KIAA1958: variants seen among roughly 807,000 people sequenced by gnomAD.
KIAA1958 encodes the protein uncharacterized protein KIAA1958.
A neutral mutation model predicts 47.2 loss-of-function variants in KIAA1958; 14 were observed. The ratio of observed to expected loss-of-function variants is 0.30; its 90% CI spans 0.20 to 0.46. The LOEUF is 0.46. Ranked by LOEUF, KIAA1958 falls within the 20% of genes least tolerant of loss-of-function variation. The pLI is 1.00. For missense variants in KIAA1958, 803 were observed against 909.2 expected, an observed-to-expected ratio of 0.88 and a Z score of 1.50; for synonymous variants, 354 against 353.3, an observed-to-expected ratio of 1.00 and a Z score of -0.02.
At chr9:112,504,434 C>T (rs536698908) in intron 1 of KIAA1958, among the ~76,000 whole-genome samples, 14 of 152,180 alleles carry the variant, frequency 9.2e-5, no homozygotes, top group Admixed American at 3.3e-4. Flanking sequence ...AGTGATCCAC[C>T]GGCCTCGGCC....
intron 1 of KIAA1958, among the ~76,000 whole-genome samples, chr9:112,565,105 G>A (rs555815919): frequency 8.2e-4 from 124 of 152,082 alleles, no homozygotes; most frequent in Non-Finnish European, 1.3e-3. Context: ...GAGTTTAATG[G>A]TAGAAAGGCT....
At chr9:112,550,517 A>C (rs1835122680) in intron 1 of KIAA1958, among the ~76,000 whole-genome samples, 1 of 152,216 alleles carries the variant, frequency 6.6e-6, no homozygotes, top group Non-Finnish European at 1.5e-5. Flanking sequence ...ATTCACTAAA[A>C]GGACTCACAG....
intron 2 of KIAA1958, among the ~76,000 whole-genome samples, chr9:112,606,473 G>T (rs540368473): frequency 5.9e-5 from 9 of 152,278 alleles, no homozygotes; most frequent in Admixed American, 3.9e-4. Context: ...ATTAATCACA[G>T]CTTCCTTAAT....
intron 1 of KIAA1958, 123 bp from the exon 2 acceptor site, chr9:112,573,934 A>C (rs1835584488): frequency 3.6e-6 from 2 of 557,616 alleles, no homozygotes; most frequent in Admixed American, 3.2e-5. Context: ...CCTTAACTAG[A>C]TTCAGTTTTG....
chr9:112,586,860 G>A (rs532329597), intron 2 of KIAA1958, among the ~76,000 whole-genome samples: 21 of 152,174 alleles, frequency 1.4e-4, no homozygotes, highest in Non-Finnish European at 2.6e-4. Context: ...AGGAAATAAT[G>A]TACAACCTCA....
intron 1 of KIAA1958, among the ~76,000 whole-genome samples, chr9:112,532,485 A>G (rs972454796): frequency 6.6e-6 from 1 of 152,140 alleles, no homozygotes; most frequent in African/African-American, 2.4e-5. Flanking sequence ...TTCTATCACT[A>G]GGAAATATCA....
At chr9:112,592,237 T>C (rs1343442763) in intron 2 of KIAA1958, among the ~76,000 whole-genome samples, 1 of 152,192 alleles carries the variant, frequency 6.6e-6, no homozygotes, top group African/African-American at 2.4e-5. Context: ...TACTGACATA[T>C]TAATTCTTTG....
rs1835621036 is a variant in KIAA1958 at position 112,575,114 on chromosome 9, A to G, written c.1034A>G (p.His345Arg). 1.9e-6 allele frequency: 3 copies of G among 1,608,290 alleles called. No homozygotes were observed. Among genetic ancestry groups the G allele is most frequent in the African/African-American group, 1.3e-5 (1 of 74,886 alleles). ...GTTGCCTCTGAAGAGTTCCTGTCCCATCTGCCCAGCCAGGTCTCCTCCTGT... is the reference window on the plus strand; with the variant it reads ...GTTGCCTCTGAAGAGTTCCTGTCCCGTCTGCCCAGCCAGGTCTCCTCCTGT... Reference protein sequence around the residue: ...EQVASEEFLSHLPSQVSSCEV... With the variant: ...EQVASEEFLSRLPSQVSSCEV... The change falls in exon 2 of 4, where the codon CAT becomes CGT. Residue 345 changes from histidine to arginine, a missense_variant. By Grantham distance (29) the His-to-Arg change is conservative. Coordinates refer to ENST00000337530, the MANE Select transcript of KIAA1958 (RefSeq NM_133465.4).
chr9:112,521,111 G>A (rs1834534014), intron 1 of KIAA1958, among the ~76,000 whole-genome samples: 1 of 152,110 alleles, frequency 6.6e-6, no homozygotes, highest in Admixed American at 6.5e-5. Context: ...ATAAAGGCAT[G>A]TAAGACAATC....
intron 1 of KIAA1958, among the ~76,000 whole-genome samples, chr9:112,547,865 G>C (rs1835068003): frequency 6.6e-6 from 1 of 152,030 alleles, no homozygotes; most frequent in Admixed American, 6.6e-5. Flanking sequence ...CTGCTGCCTG[G>C]AGGATTTATC....
intron 1 of KIAA1958, among the ~76,000 whole-genome samples, chr9:112,554,870 T>TTGGC (rs1299970415): frequency 1.3e-5 from 2 of 152,146 alleles, no homozygotes; most frequent in African/African-American, 4.8e-5. Flanking sequence ...AGTGTGTGCA[T>TTGGC]TGGCTCCTAG....
chr9:112,618,877 C>T lies in KIAA1958; in HGVS notation c.1172-26773C>T, dbSNP rs1320865109. The T allele has an allele frequency of 3.2e-6, 5 of 1,548,194 alleles. No individual in the cohort carries two copies. The highest frequency in any genetic ancestry group is 3.5e-6 in the Non-Finnish European group (4 of 1,145,094). The stretch of plus-strand genomic sequence containing the variant: ...GCCACTCCAACAATGGCAATTTCAT[C>T]GTCTCCGCCTCCTATGACTCTTCCT... On this transcript the variant is annotated intron_variant, in intron 2 of 3. Coordinates refer to ENST00000337530, the MANE Select transcript of KIAA1958 (RefSeq NM_133465.4). The surrounding 1 kb of genome is among the most constrained non-coding windows in gnomAD (Gnocchi z 7.1).
chr9:112,541,211 T>A (rs1834935890), intron 1 of KIAA1958, among the ~76,000 whole-genome samples: 1 of 152,210 alleles, frequency 6.6e-6, no homozygotes, highest in East Asian at 1.9e-4. Context: ...AGCGTCCTTG[T>A]TTTAAATTTT....
intron 2 of KIAA1958, among the ~76,000 whole-genome samples, chr9:112,596,088 A>T (rs1836024900): frequency 6.6e-6 from 1 of 152,146 alleles, no homozygotes; most frequent in East Asian, 1.9e-4. Context: ...CCCAGCCGAA[A>T]ACATTTTTAC....
At chr9:112,638,662 G>A (rs1018892296) in intron 2 of KIAA1958, among the ~76,000 whole-genome samples, 7 of 151,980 alleles carry the variant, frequency 4.6e-5, no homozygotes, top group South Asian at 2.1e-4. Context: ...GAAAATTCTC[G>A]ACCAATATTT....
intron 3 of KIAA1958, among the ~76,000 whole-genome samples, chr9:112,650,578 C>A (rs147825150): frequency 6.6e-6 from 1 of 151,168 alleles, no homozygotes; most frequent in East Asian, 1.9e-4. Context: ...AGTGGATAAT[C>A]CTAATGTGGA....
intron 1 of KIAA1958, among the ~76,000 whole-genome samples, chr9:112,546,983 C>G (rs1835047187): frequency 6.7e-6 from 1 of 148,560 alleles, no homozygotes; most frequent in Admixed American, 6.8e-5. Context: ...CGTCTGCTGC[C>G]CAAGCTGGGG....
At chr9:112,650,422 A>T (rs1395218119) in intron 3 of KIAA1958, among the ~76,000 whole-genome samples, 2 of 152,288 alleles carry the variant, frequency 1.3e-5, no homozygotes, top group African/African-American at 4.8e-5. Context: ...AATAGCAAAA[A>T]GGATAAGTGG....
intron 2 of KIAA1958, among the ~76,000 whole-genome samples, chr9:112,637,438 G>A (rs1406502946): frequency 6.6e-6 from 1 of 151,918 alleles, no homozygotes; most frequent in Non-Finnish European, 1.5e-5. Flanking sequence ...CTGGAGTGAA[G>A]TGGCGCAATC....
Sources: gnomAD v4.1 joint callset for allele counts (sites outside exome capture counted in the v4.1 genomes callset) on GRCh38, gnomAD v4.1.1 for gene constraint, Gnocchi (gnomAD v3.1) non-coding constraint, MANE v1.5 for transcripts, NCBI Gene and HGNC (gene_info 2026-07-23, HGNC 2026-07-21) for gene names.